Variants in NFATC1 observed in about 807,000 individuals in gnomAD.
NFATC1 encodes the protein nuclear factor of activated T-cells, cytoplasmic 1.
NFATC1 carries 22 observed loss-of-function variants against 76.0 expected under a neutral mutation model. The observed-to-expected ratio is 0.29, with a 90% CI of 0.21 to 0.41. The LOEUF (loss-of-function observed/expected upper bound fraction) is 0.41, where lower values mean the gene tolerates loss of function less well. NFATC1 is among the 10% of genes least tolerant of loss of function. The pLI is 1.00. For synonymous variants in NFATC1, 704 were observed against 613.1 expected, an observed-to-expected ratio of 1.15 and a Z score of -2.19; for missense variants, 1,357 against 1,337.7, an observed-to-expected ratio of 1.01 and a Z score of -0.23.
chr18:79,437,289 C>G (rs1229299564), intron 3 of NFATC1, among the ~76,000 whole-genome samples: 1 of 152,240 alleles, frequency 6.6e-6, no homozygotes, highest in Non-Finnish European at 1.5e-5. Flanking sequence ...GATGAAGACG[C>G]CTGCTTAGGA....
intron 1 of NFATC1, among the ~76,000 whole-genome samples, chr18:79,403,454 C>T (rs1029081704): frequency 6.6e-6 from 1 of 152,200 alleles, no homozygotes; most frequent in African/African-American, 2.4e-5. Context: ...GAGAGGAGGT[C>T]CCGCTCCCTT....
At chr18:79,479,801 G>A (rs529350127) in intron 8 of NFATC1, among the ~76,000 whole-genome samples, 15 of 152,330 alleles carry the variant, frequency 9.8e-5, no homozygotes, top group Non-Finnish European at 1.9e-4. Context: ...TGTGCTTCGC[G>A]GCAGTGCCCC....
At chr18:79,398,953 G>A (rs1262812896) in intron 1 of NFATC1, among the ~76,000 whole-genome samples, 2 of 152,230 alleles carry the variant, frequency 1.3e-5, no homozygotes, top group African/African-American at 4.8e-5. Context: ...TGTAGTCCCA[G>A]CTACTCTGGA....
At chr18:79,484,126 G>C (rs1180390815) in intron 8 of NFATC1, among the ~76,000 whole-genome samples, 2 of 151,924 alleles carry the variant, frequency 1.3e-5, no homozygotes, top group Non-Finnish European at 2.9e-5. Flanking sequence ...GAGGCGGGGG[G>C]AGCACACCCG....
chr18:79,472,195 G>A lies in NFATC1; in HGVS notation c.2092+4613G>A, dbSNP rs371448738. Among the ~76,000 whole-genome samples the A allele has an allele frequency of 2.0e-4, 30 of 152,286 alleles. No homozygotes were observed. In the East Asian group the frequency reaches 2.3e-3, roughly 12 times the overall value. On this transcript the variant is annotated intron_variant, in intron 8 of 9. Coordinates refer to ENST00000427363, the MANE Select transcript of NFATC1 (RefSeq NM_001278669.2). ...TGTGAAACTGAGGTCCCCGTGCACA[G>A]ATCCCACCACCCAGGGTCGACAGCT...
At chr18:79,462,976 C>T (rs565027307) in intron 7 of NFATC1, among the ~76,000 whole-genome samples, 9 of 152,330 alleles carry the variant, frequency 5.9e-5, no homozygotes, top group African/African-American at 1.7e-4. Flanking sequence ...GTGGGACGAT[C>T]GGTGGCCTCC....
chr18:79,477,440 A>C (rs193220760), intron 8 of NFATC1, among the ~76,000 whole-genome samples: 1,805 of 152,332 alleles, frequency 0.012, 44 homozygotes, highest in African/African-American at 0.041. Flanking sequence ...CAGGCAGCTC[A>C]GCGTTAGATC....
intron 9 of NFATC1, among the ~76,000 whole-genome samples, chr18:79,520,573 G>A (rs2145210135): frequency 6.8e-6 from 1 of 147,614 alleles, no homozygotes; most frequent in East Asian, 2.1e-4. Flanking sequence ...GTGTCCGTGT[G>A]TGTGGGGGCA....
chr18:79,397,134 AGCCCGTCCCCGGCACACACCCCT>A (rs1470216907), intron 1 of NFATC1, among the ~76,000 whole-genome samples: 2 of 152,154 alleles, frequency 1.3e-5, no homozygotes, highest in African/African-American at 4.8e-5. Context: ...CCCCCACCTT[AGCCCGTCCCCGGCACACACCCCT>A]GGCGATGCCG....
At chr18:79,466,900 G>A (rs1282830431) in intron 7 of NFATC1, among the ~76,000 whole-genome samples, 5 of 152,210 alleles carry the variant, frequency 3.3e-5, no homozygotes, top group Non-Finnish European at 5.9e-5. Flanking sequence ...AGTGGCTGGC[G>A]GCGGAGCCTT....
chr18:79,473,396 G>GA (rs1268786247), intron 8 of NFATC1, among the ~76,000 whole-genome samples: 1 of 152,232 alleles, frequency 6.6e-6, no homozygotes, highest in Non-Finnish European at 1.5e-5. Flanking sequence ...CGTTGCGAGG[G>GA]AAGCGTGTTC....
chr18:79,509,916 T>A (rs1300890481), intron 9 of NFATC1, among the ~76,000 whole-genome samples: 4 of 152,368 alleles, frequency 2.6e-5, no homozygotes, highest in Admixed American at 2.6e-4. Flanking sequence ...GGTACCACAC[T>A]GAGCTCACAG....
chr18:79,411,075 A>G lies in NFATC1; in HGVS notation c.800A>G (p.Lys267Arg). 6.2e-7 allele frequency: 1 copy of G among 1,612,048 alleles called. No homozygotes were observed. ...SRPASPCNKRKYSLNGRQPPY... is the reference protein window; with the variant it reads ...SRPASPCNKRRYSLNGRQPPY... ...CCCGCGTCCCCTTGCAACAAGAGGA[A>G]GTACAGCCTCAACGGCCGGCAGCCG... The change falls in exon 2 of 10, where the codon AAG becomes AGG. Residue 267 changes from lysine to arginine, a missense_variant. Around this residue, in one of 3 missense-constraint regions of NFATC1, gnomAD observed 691 missense variants for 613.1 expected, o/e 1.13. Coordinates refer to ENST00000427363, the MANE Select transcript of NFATC1 (RefSeq NM_001278669.2).
At chr18:79,514,094 T>C (rs1162702235) in intron 9 of NFATC1, among the ~76,000 whole-genome samples, 1 of 152,040 alleles carries the variant, frequency 6.6e-6, no homozygotes, top group Non-Finnish European at 1.5e-5. Flanking sequence ...CCGGTCCAGG[T>C]GTGGCCGCAG....
intron 9 of NFATC1, among the ~76,000 whole-genome samples, chr18:79,516,578 T>G (rs2090390583): frequency 6.6e-6 from 1 of 152,148 alleles, no homozygotes; most frequent in Admixed American, 6.5e-5. Context: ...TCGGACAGTT[T>G]AGGGTGGACC....
chr18:79,448,970 C>A lies in NFATC1; in HGVS notation c.1575C>A (p.Asn525Lys), dbSNP rs539802400. 113 of 1,613,232 alleles carry A rather than the reference C, an allele frequency of 7.0e-5. No homozygotes were observed. Among genetic ancestry groups the A allele is most frequent in the Middle Eastern group, 6.6e-4 (4 of 6,040 alleles). ...KVLEIPLLPENSMRAVIDCAG... is the reference protein window; with the variant it reads ...KVLEIPLLPEKSMRAVIDCAG... ...TGGAGATCCCACTCCTGCCGGAGAA[C>A]AGCATGCGAGCCGTGTAAGCCGCGG... The change falls in exon 4 of 10, where the codon AAC becomes AAA. Residue 525 changes from asparagine to lysine, a missense_variant. This residue lies in a region of NFATC1 where 242 missense variants were observed against 329.2 expected (regional missense o/e 0.74). Coordinates refer to ENST00000427363, the MANE Select transcript of NFATC1 (RefSeq NM_001278669.2).
At chr18:79,512,954 G>T (rs191004161) in intron 9 of NFATC1, among the ~76,000 whole-genome samples, 19 of 152,340 alleles carry the variant, frequency 1.2e-4, no homozygotes, top group Admixed American at 2.6e-4. Context: ...ACACCAAATC[G>T]CCTTCCGTAC....
intron 1 of NFATC1, among the ~76,000 whole-genome samples, chr18:79,402,024 C>A (rs2085279582): frequency 6.6e-6 from 1 of 152,264 alleles, no homozygotes; most frequent in East Asian, 1.9e-4. Context: ...GCCTCCCAGG[C>A]CTCCAGGGTG....
intron 9 of NFATC1, among the ~76,000 whole-genome samples, chr18:79,487,824 T>C (rs1372407929): frequency 1.3e-5 from 2 of 152,242 alleles, no homozygotes; most frequent in African/African-American, 2.4e-5. Flanking sequence ...CGCGTTGTGA[T>C]CGGGGCGTGC....
Sources: gnomAD v4.1 joint callset for allele counts (sites outside exome capture counted in the v4.1 genomes callset) on GRCh38, gnomAD v4.1.1 for gene constraint, gnomAD v4.1.1 regional missense constraint, MANE v1.5 for transcripts, NCBI Gene and HGNC (gene_info 2026-07-23, HGNC 2026-07-21) for gene names.